Variants in NRXN3 observed in about 807,000 individuals in gnomAD.
NRXN3 encodes neurexin 3.
In NRXN3, 32 loss-of-function variants were observed where a neutral mutation model predicts 137.6. That is an observed-to-expected ratio of 0.23 (90% confidence interval 0.18 to 0.31). The LOEUF is 0.31. Among genes scored for constraint, NRXN3 ranks in the 10% least tolerant of loss-of-function variants. The pLI, the probability that NRXN3 is intolerant of heterozygous loss-of-function variation, is 1.00. For missense variants in NRXN3, 1,574 were observed against 2,062.5 expected, an observed-to-expected ratio of 0.76 and a Z score of 4.59; for synonymous variants, 798 against 784.5, an observed-to-expected ratio of 1.02 and a Z score of -0.29.
At chr14:79,097,670 G>A (rs140629907) in intron 15 of NRXN3, among the ~76,000 whole-genome samples, 1 of 152,178 alleles carries the variant, frequency 6.6e-6, no homozygotes, top group East Asian at 1.9e-4. Context: ...GCATTCAATC[G>A]ATATGGCAGA....
At chr14:78,448,705 G>T (rs531820597) in intron 4 of NRXN3, among the ~76,000 whole-genome samples, 1 of 152,286 alleles carries the variant, frequency 6.6e-6, no homozygotes, top group Non-Finnish European at 1.5e-5. Context: ...TTGCTCCTGG[G>T]GATCCCCAAA....
intron 16 of NRXN3, among the ~76,000 whole-genome samples, chr14:79,504,675 A>ATATATATATATATATATATATATAT (rs1418274750): frequency 4.9e-5 from 7 of 142,130 alleles, no homozygotes; most frequent in African/African-American, 1.6e-4. Context: ...ATATATATAT[A>ATATATATATATATATATATATATAT]AAACATTACA....
At chr14:79,617,384 CA>C (rs2098168965) in intron 16 of NRXN3, among the ~76,000 whole-genome samples, 1 of 152,120 alleles carries the variant, frequency 6.6e-6, no homozygotes, top group South Asian at 2.1e-4. Flanking sequence ...GCAGTAGGAT[CA>C]ATTTCACCAA....
chr14:79,297,100 A>G (rs1352140083), intron 15 of NRXN3, among the ~76,000 whole-genome samples: 1 of 152,216 alleles, frequency 6.6e-6, no homozygotes, highest in East Asian at 1.9e-4. Context: ...ACTCTTCTTT[A>G]GTGTAGCACC....
At chr14:78,366,846 G>A (rs907522248) in intron 4 of NRXN3, among the ~76,000 whole-genome samples, 2 of 152,162 alleles carry the variant, frequency 1.3e-5, no homozygotes, top group East Asian at 3.8e-4. Context: ...ATGAGATCTG[G>A]GCGTGGACAC....
At chr14:78,986,364 A>G (rs1309779569) in intron 14 of NRXN3, among the ~76,000 whole-genome samples, 3 of 152,126 alleles carry the variant, frequency 2.0e-5, no homozygotes, top group Admixed American at 6.5e-5. Flanking sequence ...ATAATCCTAA[A>G]TGTATAGATT....
intron 19 of NRXN3, among the ~76,000 whole-genome samples, chr14:79,781,016 C>T (rs866114703): frequency 6.6e-6 from 1 of 150,706 alleles, no homozygotes; most frequent in South Asian, 2.1e-4. Flanking sequence ...AATCCAAGTG[C>T]ATTGAAACTT....
At chr14:78,210,335 C>T (rs1488306651) in intron 1 of NRXN3, among the ~76,000 whole-genome samples, 3 of 152,112 alleles carry the variant, frequency 2.0e-5, no homozygotes, top group East Asian at 3.9e-4. Flanking sequence ...GCACTAATCC[C>T]ATTCATGAAG....
intron 15 of NRXN3, among the ~76,000 whole-genome samples, chr14:79,211,482 A>G (rs556278523): frequency 6.6e-6 from 1 of 152,254 alleles, no homozygotes; most frequent in East Asian, 1.9e-4. Flanking sequence ...TGTCCACCTT[A>G]TGTAAGTGAA....
intron 8 of NRXN3, among the ~76,000 whole-genome samples, chr14:78,726,515 CTTTT>C (rs71452901): frequency 2.0e-5 from 2 of 102,452 alleles, no homozygotes; most frequent in African/African-American, 3.7e-5. Context: ...ACCATTTTAG[CTTTT>C]TTTTTTTTTT....
chr14:78,627,051 CTT>C (rs1489178506), intron 4 of NRXN3, among the ~76,000 whole-genome samples: 1 of 151,884 alleles, frequency 6.6e-6, no homozygotes, highest in African/African-American at 2.4e-5. Flanking sequence ...TTTTCACTCT[CTT>C]AGCTTTTTTG....
chr14:79,015,681 G>A (rs915240993), intron 15 of NRXN3, among the ~76,000 whole-genome samples: 2 of 152,182 alleles, frequency 1.3e-5, no homozygotes, highest in African/African-American at 4.8e-5. Flanking sequence ...ATCTCAAGAA[G>A]AATGACACTT....
intron 10 of NRXN3, among the ~76,000 whole-genome samples, chr14:78,910,779 T>C (rs988402866): frequency 6.6e-6 from 1 of 152,160 alleles, no homozygotes; most frequent in Non-Finnish European, 1.5e-5. Context: ...CATTTACCAA[T>C]GTTAACAGCA....
At chr14:78,200,931 C>T (rs1350670663) in intron 1 of NRXN3, among the ~76,000 whole-genome samples, 2 of 152,132 alleles carry the variant, frequency 1.3e-5, no homozygotes, top group East Asian at 3.9e-4. Flanking sequence ...GTATCAGTCT[C>T]TTGAGCTATG....
At chr14:79,328,310 A>G (rs2091203568) in intron 15 of NRXN3, among the ~76,000 whole-genome samples, 1 of 152,186 alleles carries the variant, frequency 6.6e-6, no homozygotes, top group Non-Finnish European at 1.5e-5. Context: ...AAGGAGGAGG[A>G]GCTAAAGTTT....
intron 15 of NRXN3, among the ~76,000 whole-genome samples, chr14:79,426,955 A>C (rs1746825983): frequency 6.6e-6 from 1 of 152,184 alleles, no homozygotes; most frequent in Admixed American, 6.5e-5. Flanking sequence ...TTGGGTTTCC[A>C]AAAAATATAT....
chr14:79,255,442 T>C (rs957844837), intron 15 of NRXN3, among the ~76,000 whole-genome samples: 7 of 152,220 alleles, frequency 4.6e-5, no homozygotes, highest in African/African-American at 9.6e-5. Context: ...GAGCCAGAGA[T>C]ATTGGGTTCC....
At chr14:78,497,758 G>A (rs762746278) in intron 4 of NRXN3, among the ~76,000 whole-genome samples, 2 of 152,140 alleles carry the variant, frequency 1.3e-5, no homozygotes, top group Non-Finnish European at 2.9e-5. Context: ...GCCTCAGACT[G>A]TCTGGAATTA....
chr14:79,385,387 A>G (rs1236271156), intron 15 of NRXN3, among the ~76,000 whole-genome samples: 1 of 151,662 alleles, frequency 6.6e-6, no homozygotes, highest in Non-Finnish European at 1.5e-5. Context: ...AAGGACATGA[A>G]CTCATCATTT....
Sources: allele counts gnomAD v4.1 joint callset (sites outside exome capture counted in the v4.1 genomes callset), GRCh38; gene constraint gnomAD v4.1.1; transcripts MANE v1.5; gene names NCBI Gene and HGNC (gene_info 2026-07-23, HGNC 2026-07-21).